SPRY3: variants seen among roughly 807,000 people sequenced by gnomAD.
The protein encoded by SPRY3 is sprouty RTK signaling antagonist 3, also known as protein sprouty homolog 3.
Under a neutral mutation model 20.2 loss-of-function variants are expected in SPRY3, and 15 were observed. That is an observed-to-expected ratio of 0.74 (90% CI 0.50 to 1.14). The LOEUF is 1.14. SPRY3 is among the 50% of genes most tolerant of loss of function. The pLI, the probability that SPRY3 is intolerant of heterozygous loss-of-function variation, is 0.00. For missense variants in SPRY3, 364 were observed against 363.9 expected (o/e 1.00, Z 0.00); for synonymous variants, 143 against 136.5 (o/e 1.05, Z -0.33).
intron 1 of SPRY3, among the ~76,000 whole-genome samples, chrX:155,648,521 A>G (rs1042633699): frequency 8.9e-6 from 1 of 112,632 alleles, no homozygotes; most frequent in East Asian, 2.8e-4. Flanking sequence ...GCATATGGCT[A>G]GCCAGTTTTC....
chrX:155,705,314 T>G (rs998078581), intron 2 of SPRY3, among the ~76,000 whole-genome samples: 1 of 151,472 alleles, frequency 6.6e-6, no homozygotes, highest in Non-Finnish European at 1.5e-5. Context: ...GCTGGTAGAC[T>G]GTGATTTTTT....
intron 2 of SPRY3, among the ~76,000 whole-genome samples, chrX:155,677,951 G>T (rs1356690816): frequency 9.0e-6 from 1 of 111,543 alleles, no homozygotes; most frequent in African/African-American, 3.3e-5. Context: ...TTTGGTACTA[G>T]ACACCCTAGT....
intron 2 of SPRY3, among the ~76,000 whole-genome samples, chrX:155,709,677 A>G (rs1274819992): frequency 6.6e-6 from 1 of 151,676 alleles, no homozygotes; most frequent in Non-Finnish European, 1.5e-5. Context: ...ATGTGATCCC[A>G]GTTTTCCATT....
Position 155,660,840 on chromosome X carries a change from G to A in SPRY3, c.-282+3815G>A, listed in dbSNP as rs182390788. 2.5e-3 allele frequency among the ~76,000 whole-genome samples: 271 copies of A among 109,232 alleles called. 2 individuals are homozygous for A. The highest frequency in any genetic ancestry group is 3.9e-3 in the Non-Finnish European group (204 of 52,438). The allele number at this position is 109,232 out of a possible 115,157, so 94.9% of individuals were successfully genotyped here. ...GTCTGTTTTATCTGACATAAGTAGAGGTGCTCCTGCTCGCTTTTGGTCCTG... is the reference window on the plus strand; with the variant it reads ...GTCTGTTTTATCTGACATAAGTAGAAGTGCTCCTGCTCGCTTTTGGTCCTG... On this transcript the variant is annotated intron_variant, in intron 2 of 3. Coordinates refer to ENST00000675360, the Ensembl canonical transcript of SPRY3.
intron 2 of SPRY3, among the ~76,000 whole-genome samples, chrX:155,672,850 T>G (rs1238591341): frequency 1.9e-5 from 2 of 103,262 alleles, no homozygotes; most frequent in Non-Finnish European, 4.0e-5. Context: ...ATTAAGAAAA[T>G]GTGGCACATA....
At chrX:155,674,904 T>A (rs2068054780) in intron 2 of SPRY3, among the ~76,000 whole-genome samples, 1 of 111,765 alleles carries the variant, frequency 8.9e-6, no homozygotes, top group African/African-American at 3.2e-5. Context: ...ATACCTTTTA[T>A]CCCTTCACTT....
At chrX:155,665,166 T>A (rs2068020844) in intron 2 of SPRY3, among the ~76,000 whole-genome samples, 1 of 110,555 alleles carries the variant, frequency 9.0e-6, no homozygotes, top group African/African-American at 3.3e-5. Context: ...TCACAGAGGT[T>A]GCATCACAAT....
At chrX:155,627,463 G>A (rs1293674121) in intron 1 of SPRY3, among the ~76,000 whole-genome samples, 1 of 111,371 alleles carries the variant, frequency 9.0e-6, no homozygotes, top group African/African-American at 3.3e-5. Context: ...ATTTCAAGTG[G>A]TATATATGCC....
At chrX:155,731,011 A>G in intron 2 of SPRY3, among the ~76,000 whole-genome samples, 1 of 152,156 alleles carries the variant, frequency 6.6e-6, no homozygotes, top group South Asian at 2.1e-4. Context: ...ATTGCAGAGG[A>G]CATACAAAAA....
At chrX:155,781,310 T>C (rs956225813), downstream of SPRY3, 1 of 167,044 alleles carries the variant, frequency 6.0e-6, no homozygotes, top group African/African-American at 2.4e-5. Flanking sequence ...TGGATTGGTT[T>C]TTTCTGAGTC....
At chrX:155,751,928 TAAAATAAAATAAAATAAAATA>T (rs1482961113) in intron 2 of SPRY3, among the ~76,000 whole-genome samples, 1 of 21,982 alleles carries the variant, frequency 4.5e-5, no homozygotes, top group Middle Eastern at 9.8e-3. Context: ...GGAAGGGAAA[TAAAATAAAATAAAATAAAATA>T]AAATAAAATA....
intron 2 of SPRY3, among the ~76,000 whole-genome samples, chrX:155,667,622 G>A (rs1557354434): frequency 9.0e-6 from 1 of 111,257 alleles, no homozygotes; most frequent in Non-Finnish European, 1.9e-5. Context: ...GGTAGTGATG[G>A]TGGTGGGTGT....
intron 1 of SPRY3, among the ~76,000 whole-genome samples, chrX:155,624,389 A>G (rs2067880730): frequency 8.9e-6 from 1 of 112,240 alleles, no homozygotes; most frequent in Non-Finnish European, 1.9e-5. Flanking sequence ...GAAAAACTAG[A>G]AATTACAGAA....
chrX:155,736,976 G>C (rs1285248243), intron 2 of SPRY3, among the ~76,000 whole-genome samples: 7 of 151,888 alleles, frequency 4.6e-5, no homozygotes, highest in African/African-American at 1.7e-4. Flanking sequence ...TAGTCTACTG[G>C]TGAGCCCATC....
chrX:155,722,423 A>C (rs2124554429), intron 2 of SPRY3, among the ~76,000 whole-genome samples: 1 of 152,292 alleles, frequency 6.6e-6, no homozygotes, highest in East Asian at 1.9e-4. Flanking sequence ...CAGGAGGCTG[A>C]GGCAGGAGAA....
chrX:155,674,140 G>A lies in SPRY3; in HGVS notation c.-282+17115G>A, dbSNP rs782364935. Among the ~76,000 whole-genome samples, 54 of 111,100 alleles carry A rather than the reference G, an allele frequency of 4.9e-4. 1 individual carries two copies. Among genetic ancestry groups the A allele is most frequent in the African/African-American group, 1.7e-3 (51 of 30,658 alleles). Reference sequence around the variant, plus strand: ...TTACATTATGACACAGATAAAAAACGGCATTTGTATATTTCACTGGGACGT... The same window carrying A: ...TTACATTATGACACAGATAAAAAACAGCATTTGTATATTTCACTGGGACGT... On this transcript the variant is annotated intron_variant, in intron 2 of 3. Coordinates refer to ENST00000675360, the Ensembl canonical transcript of SPRY3.
intron 2 of SPRY3, among the ~76,000 whole-genome samples, chrX:155,741,277 A>G (rs1257176428): frequency 2.6e-5 from 4 of 152,202 alleles, no homozygotes; most frequent in Non-Finnish European, 5.9e-5. Flanking sequence ...TCTTTCTGAA[A>G]TAAGACAGGT....
At chrX:155,756,223 A>T (rs747419427) in intron 2 of SPRY3, among the ~76,000 whole-genome samples, 5 of 152,126 alleles carry the variant, frequency 3.3e-5, no homozygotes, top group Non-Finnish European at 7.4e-5. Context: ...AGTTTCTGAC[A>T]TTCACAAGGA....
intron 2 of SPRY3, among the ~76,000 whole-genome samples, chrX:155,765,192 A>C (rs1189278094): frequency 1.3e-5 from 2 of 152,176 alleles, no homozygotes; most frequent in Non-Finnish European, 2.9e-5. Flanking sequence ...CATAGCATTT[A>C]CCAAATAATT....
Sources: allele counts gnomAD v4.1 joint callset (sites outside exome capture counted in the v4.1 genomes callset), GRCh38; gene constraint gnomAD v4.1.1; transcripts MANE v1.5; gene names NCBI Gene and HGNC (gene_info 2026-07-23, HGNC 2026-07-21).